TKFC: variants seen among roughly 807,000 people sequenced by gnomAD.
TKFC encodes the protein triokinase and FMN cyclase, also known as triokinase/FMN cyclase.
Under a neutral mutation model 61.0 loss-of-function variants are expected in TKFC, and 46 were observed. The ratio of observed to expected loss-of-function variants is 0.75; its 90% CI spans 0.60 to 0.96. The LOEUF (loss-of-function observed/expected upper bound fraction) is 0.96, where lower values mean the gene tolerates loss of function less well. Among genes scored for constraint, TKFC ranks in the 50% least tolerant of loss-of-function variants. TKFC has a pLI of 0.00. For synonymous variants in TKFC, 314 were observed against 330.1 expected, an observed-to-expected ratio of 0.95 and a Z score of 0.53; for missense variants, 715 against 777.5, an observed-to-expected ratio of 0.92 and a Z score of 0.96.
chr11:61,349,684 A>T (rs1263541367), downstream of TKFC: 2 of 702,256 alleles, frequency 2.8e-6, no homozygotes, highest in Non-Finnish European at 5.2e-6. Flanking sequence ...ACATGCAGAC[A>T]CAGAGCAGCA....
In TKFC at chr11:61,338,140, C is replaced by G. The variant is rs1856692704; in HGVS notation, c.193+10C>G. Reference sequence around the variant, plus strand: ...GAGCCTGCCCATGCTGGTGAGTATCCTGGGGTGGGGCAGGGGGTACTAGTG... The same window carrying G: ...GAGCCTGCCCATGCTGGTGAGTATCGTGGGGTGGGGCAGGGGGTACTAGTG... On this transcript the variant is annotated intron_variant, in intron 3 of 17. Coordinates refer to ENST00000394900, the MANE Select transcript of TKFC (RefSeq NM_015533.4). 1 of 1,571,980 alleles carries G rather than the reference C, an allele frequency of 6.4e-7. No homozygotes were observed. Among genetic ancestry groups the G allele is most frequent in the East Asian group, 2.3e-5 (1 of 44,142 alleles).
chr11:61,334,827 G>C, intron 2 of TKFC, 96 bp downstream of exon 2: 1 of 1,566,912 alleles, frequency 6.4e-7, no homozygotes, highest in South Asian at 1.1e-5. Flanking sequence ...TTGACTGAGA[G>C]ATGCTATTGC....
downstream of TKFC, chr11:61,352,887 T>C (rs531235438): frequency 5.0e-6 from 8 of 1,588,234 alleles, no homozygotes; most frequent in South Asian, 8.0e-5. Context: ...CCCCAAAATC[T>C]CTCCTCCCTT....
chr11:61,339,322 G>T lies in TKFC; in HGVS notation c.373G>T (p.Ala125Ser), dbSNP rs376636000. The T allele has an allele frequency of 6.2e-6, 10 of 1,613,790 alleles. No individual in the cohort carries two copies. The African/African-American group carries it at 1.2e-4, about 19-fold the overall frequency. ...RLNFGLAREQARAEGIPVEMV... is the reference protein window; with the variant it reads ...RLNFGLAREQSRAEGIPVEMV... The stretch of plus-strand genomic sequence containing the variant: ...CAACTTCGGCCTGGCCCGGGAGCAG[G>T]CCCGGGCTGAAGGCATCCCGGTGGA... Residue 125 changes from alanine (A) to serine (S), a missense_variant, in exon 5 of 18, where the codon GCC becomes TCC. Ala to Ser is a moderately conservative substitution (Grantham distance 99). Coordinates refer to ENST00000394900, the MANE Select transcript of TKFC (RefSeq NM_015533.4).
In TKFC at chr11:61,344,043, G is replaced by A. The variant is rs1036579739; in HGVS notation, c.1102+68G>A. 3 of 1,598,518 alleles carry A rather than the reference G, an allele frequency of 1.9e-6. No individual in the cohort carries two copies. The African/African-American group carries it at 4.0e-5, about 21-fold the overall frequency. ...GATGCAGGAGTATACGGTGGGGCGG[G>A]TAGGGGCCCTGGCACCCACACCTCC... is the stretch of plus-strand genomic sequence containing the variant. On this transcript the variant is annotated intron_variant, in intron 12 of 17. Transcript: ENST00000394900.
rs769919132 is a variant in TKFC at position 61,337,971 on chromosome 11, G to A, written c.34G>A (p.Gly12Ser). The A allele has an allele frequency of 2.5e-6, 4 of 1,609,614 alleles. No homozygotes were observed. Among genetic ancestry groups the A allele is most frequent in the African/African-American group, 1.3e-5 (1 of 74,498 alleles). The change falls in exon 3 of 18, where the codon GGC becomes AGC. Residue 12 changes from glycine to serine, a missense_variant. By Grantham distance (56) the Gly-to-Ser change is moderately conservative (BLOSUM62 0). Coordinates refer to ENST00000394900, the MANE Select transcript of TKFC (RefSeq NM_015533.4). ...TSKKLVNSVA[G>S]CADDALAGLV... Reference sequence around the variant, plus strand: ...CAAGAAGCTGGTGAACTCGGTGGCTGGCTGTGCTGATGACGCTCTTGCTGG... The same window carrying A: ...CAAGAAGCTGGTGAACTCGGTGGCTAGCTGTGCTGATGACGCTCTTGCTGG...
At chr11:61,343,557 AG>A in intron 11 of TKFC, 99 bp downstream of exon 11, 1 of 1,109,492 alleles carries the variant, frequency 9.0e-7, no homozygotes, top group Non-Finnish European at 1.3e-6. Context: ...CGTGACAATC[AG>A]GGCTCTGGAG....
Position 61,347,519 on chromosome 11 carries a change from A to G in TKFC, c.*1016A>G, listed in dbSNP as rs1857188012. On this transcript the variant is annotated 3_prime_UTR_variant, in exon 18 of 18. Coordinates refer to ENST00000394900, the MANE Select transcript of TKFC (RefSeq NM_015533.4). ...ATGCCACTATACTCCAGCCTGGGCA[A>G]CAAAGCGAGACCCTGTCTCAAAAAA... The G allele has an allele frequency of 3.1e-6, 3 of 978,074 alleles. No individual in the cohort carries two copies. Among genetic ancestry groups the G allele is most frequent in the Non-Finnish European group, 3.6e-6 (3 of 828,114 alleles). 60.6% of individuals were successfully genotyped at this position (978,074 alleles called of 1,614,324 possible). A position where few individuals can be genotyped will look rare whatever the true frequency, so the allele number is the denominator to read the frequency against.
chr11:61,352,378 A>G (rs1224746997), downstream of TKFC: 1 of 153,316 alleles, frequency 6.5e-6, no homozygotes, highest in Non-Finnish European at 1.5e-5. Flanking sequence ...AATGGCAATG[A>G]CGGCCGGGTG....
chr11:61,346,497 G>T lies in TKFC; in HGVS notation c.1722G>T (p.Gln574His). The T allele has an allele frequency of 6.3e-7, 1 of 1,599,666 alleles. No individual in the cohort carries two copies. Among genetic ancestry groups the T allele is most frequent in the Non-Finnish European group, 8.5e-7 (1 of 1,173,482 alleles). ...TCCGGGCCATCTTGGAGGTCTTGCAGAGCTAGGGTGTGTGACTGCCTCCCT... is the reference window on the plus strand; with the variant it reads ...TCCGGGCCATCTTGGAGGTCTTGCATAGCTAGGGTGTGTGACTGCCTCCCT... ...AILRAILEVL[Q>H]S is the part of the protein sequence containing the mutation. The change falls in exon 18 of 18, where the codon CAG becomes CAT. Residue 574 changes from glutamine (Q) to histidine (H), a missense_variant. Coordinates refer to ENST00000394900, the MANE Select transcript of TKFC (RefSeq NM_015533.4). The surrounding 1 kb of genome is among the most constrained non-coding windows in gnomAD (Gnocchi z 4.1).
rs1026647568 is a variant in TKFC, at chr11:61,334,707, C to G, written c.-22C>G. 2 of 1,613,924 alleles carry G rather than the reference C, an allele frequency of 1.2e-6. No individual in the cohort carries two copies. The highest frequency in any genetic ancestry group is 2.7e-5 in the African/African-American group (2 of 74,926). On this transcript the variant is annotated 5_prime_UTR_variant, in exon 2 of 18. Coordinates refer to ENST00000394900, the MANE Select transcript of TKFC (RefSeq NM_015533.4). ...GCTCAGTGCAACGGTGTGAACTCAG[C>G]CTGTTTCAGAGCCTCCACACCATGG...
At chr11:61,335,853 G>A (rs2134975254) in intron 2 of TKFC, 1 of 152,136 alleles carries the variant, frequency 6.6e-6, no homozygotes, top group Non-Finnish European at 1.5e-5. Flanking sequence ...GGAGTGCAAT[G>A]GCGCAATCTC....
At chr11:61,342,420 C>T in intron 7 of TKFC, 41 bp from the exon 8 acceptor site, 3 of 1,613,536 alleles carry the variant, frequency 1.9e-6, no homozygotes, top group Non-Finnish European at 2.5e-6. Context: ...AGCAAATCCC[C>T]AGGCCTTGAG....
At chr11:61,350,576 C>T, downstream of TKFC, 1 of 886,636 alleles carries the variant, frequency 1.1e-6, no homozygotes, top group Non-Finnish European at 1.8e-6. Flanking sequence ...GCCTGGTACA[C>T]ACCCCGTCTC....
Position 61,339,182 on chromosome 11 carries a change from C to A in TKFC, c.304+6C>A. ...CGTGGCCCAGGCCGGCACAGGTAAG[C>A]CTGGCATGCAGGAGGGGCTGCGGCA... is the stretch of plus-strand genomic sequence containing the variant. On this transcript the variant is annotated splice_donor_region_variant and intron_variant, in intron 4 of 17. Transcript: ENST00000394900. The A allele has an allele frequency of 6.2e-7, 1 of 1,613,234 alleles. No individual in the cohort carries two copies. The highest frequency in any genetic ancestry group is 8.5e-7 in the Non-Finnish European group (1 of 1,179,644).
chr11:61,335,099 C>T (rs1856550892), intron 2 of TKFC, among the ~76,000 whole-genome samples: 1 of 152,190 alleles, frequency 6.6e-6, no homozygotes. Context: ...AACCTTGGGG[C>T]TTATGTGGGC....
downstream of TKFC, chr11:61,352,490 T>C (rs769822966): frequency 2.5e-4 from 42 of 167,200 alleles, no homozygotes; most frequent in Non-Finnish European, 4.6e-4. Context: ...TGAAACCCCG[T>C]CCCTACTAAA....
rs979013794 is a variant in TKFC, at chr11:61,345,722, G to C, written c.1462G>C (p.Ala488Pro). ...GLEAMQKYGKAAPGDRTMLDS... is the reference protein window; with the variant it reads ...GLEAMQKYGKPAPGDRTMLDS... Reference sequence around the variant, plus strand: ...CTCTTTCCCTGCCAGGTATGGCAAGGCTGCTCCAGGGGACAGGACTATGGT... The same window carrying C: ...CTCTTTCCCTGCCAGGTATGGCAAGCCTGCTCCAGGGGACAGGACTATGGT... The change falls in exon 16 of 18, where the codon GCT becomes CCT. Residue 488 changes from alanine (A) to proline (P), a missense_variant. Transcript: ENST00000394900. 4.3e-6 allele frequency: 7 copies of C among 1,614,266 alleles called. No homozygotes were observed. Among genetic ancestry groups the C allele is most frequent in the Non-Finnish European group, 5.9e-6 (7 of 1,180,050 alleles).
chr11:61,339,585 C>T lies in TKFC; in HGVS notation c.486+150C>T. 7.1e-6 allele frequency: 6 copies of T among 850,116 alleles called. No individual in the cohort carries two copies. The South Asian group carries it at 1.1e-4, about 16-fold the overall frequency. 52.7% of individuals were successfully genotyped at this position (850,116 alleles called of 1,614,324 possible). The stretch of plus-strand genomic sequence containing the variant: ...CCTGATCTCAGAAGGCCCCGCCATC[C>T]CCTCAGCTACCTAAGCCCAGATACA... On this transcript the variant is annotated intron_variant, in intron 5 of 17. Coordinates refer to ENST00000394900, the MANE Select transcript of TKFC (RefSeq NM_015533.4).
Sources: gnomAD v4.1 joint callset for allele counts (sites outside exome capture counted in the v4.1 genomes callset) on GRCh38, gnomAD v4.1.1 for gene constraint, Gnocchi (gnomAD v3.1) non-coding constraint, MANE v1.5 for transcripts, NCBI Gene and HGNC (gene_info 2026-07-23, HGNC 2026-07-21) for gene names.